The following DLG2 variants were observed in gnomAD, a reference collection of about 807,000 sequenced individuals.
The protein encoded by DLG2 is discs large MAGUK scaffold protein 2.
DLG2 carries 45 observed loss-of-function variants against 132.5 expected under a neutral mutation model. The ratio of observed to expected loss-of-function variants is 0.34; its 90% CI spans 0.27 to 0.44. The LOEUF is 0.44. Among genes scored for constraint, DLG2 ranks in the 20% least tolerant of loss-of-function variants. The probability of loss-of-function intolerance (pLI) is 1.00; values close to 1 mark genes in which losing one functional copy is unlikely to be tolerated. For synonymous variants in DLG2, 424 were observed against 419.6 expected (o/e 1.01, Z -0.13); for missense variants, 1,045 against 1,196.9 (o/e 0.87, Z 1.87).
chr11:85,116,171 A>C (rs1460413409), intron 5 of DLG2, among the ~76,000 whole-genome samples: 4 of 152,044 alleles, frequency 2.6e-5, no homozygotes, highest in African/African-American at 9.7e-5. Flanking sequence ...ATGGACTGTG[A>C]GTTGTAAAGT....
intron 3 of DLG2, among the ~76,000 whole-genome samples, chr11:85,317,941 T>G (rs2080804599): frequency 6.6e-6 from 1 of 151,872 alleles, no homozygotes. Context: ...ATATTTCATG[T>G]AAGTGTGCAC....
chr11:85,399,775 T>A (rs2087848939), intron 3 of DLG2, among the ~76,000 whole-genome samples: 1 of 152,104 alleles, frequency 6.6e-6, no homozygotes, highest in Non-Finnish European at 1.5e-5. Flanking sequence ...TATACAAAAA[T>A]TAATTCAAGA....
chr11:85,124,091 G>C (rs1308565864), intron 5 of DLG2, among the ~76,000 whole-genome samples: 1 of 152,130 alleles, frequency 6.6e-6, no homozygotes, highest in Non-Finnish European at 1.5e-5. Context: ...AAGAGGAGAG[G>C]GAACAGAAAC....
intron 6 of DLG2, among the ~76,000 whole-genome samples, chr11:84,975,787 T>C (rs1487734426): frequency 1.3e-5 from 2 of 152,182 alleles, no homozygotes; most frequent in Non-Finnish European, 2.9e-5. Context: ...TCAAACTGTC[T>C]TCCTCTCCTG....
intron 4 of DLG2, among the ~76,000 whole-genome samples, chr11:85,245,253 A>C (rs1208118934): frequency 6.6e-6 from 1 of 151,916 alleles, no homozygotes; most frequent in African/African-American, 2.4e-5. Context: ...TGTATATCTA[A>C]TAGGAATTTC....
intron 6 of DLG2, among the ~76,000 whole-genome samples, chr11:84,814,697 A>G (rs1019893813): frequency 1.3e-5 from 2 of 151,478 alleles, no homozygotes; most frequent in Non-Finnish European, 2.9e-5. Context: ...TCCCCACTTC[A>G]CCCCCACCTC....
intron 6 of DLG2, among the ~76,000 whole-genome samples, chr11:84,741,769 T>G (rs1026066917): frequency 6.6e-5 from 10 of 152,038 alleles, no homozygotes; most frequent in Admixed American, 2.6e-4. Context: ...TAAGGAAACA[T>G]GGTATCTCTA....
intron 15 of DLG2, among the ~76,000 whole-genome samples, chr11:83,907,433 T>C (rs2075220448): frequency 6.6e-6 from 1 of 152,172 alleles, no homozygotes; most frequent in Non-Finnish European, 1.5e-5. Context: ...TGGTTCACAC[T>C]GAGTAAATTA....
At chr11:84,012,793 C>A (rs1446331535) in intron 11 of DLG2, among the ~76,000 whole-genome samples, 8 of 152,062 alleles carry the variant, frequency 5.3e-5, no homozygotes, top group Admixed American at 1.3e-4. Flanking sequence ...GTCAAAGAAT[C>A]TTATAATTGG....
intron 7 of DLG2, among the ~76,000 whole-genome samples, chr11:84,404,811 A>C (rs1056092421): frequency 2.6e-5 from 4 of 152,228 alleles, no homozygotes; most frequent in African/African-American, 9.6e-5. Flanking sequence ...GTAAAATGCA[A>C]GGTAATAGTC....
intron 18 of DLG2, among the ~76,000 whole-genome samples, chr11:83,741,839 T>C (rs572626219): frequency 2.0e-5 from 3 of 151,780 alleles, no homozygotes; most frequent in Admixed American, 6.6e-5. Context: ...AAACCCTGTC[T>C]CTACTAAAAA....
intron 18 of DLG2, among the ~76,000 whole-genome samples, chr11:83,739,540 A>T (rs898548789): frequency 6.6e-6 from 1 of 152,182 alleles, no homozygotes; most frequent in Non-Finnish European, 1.5e-5. Flanking sequence ...GAGAGATTTG[A>T]TCAGGCAATT....
At chr11:83,812,306 T>C (rs997438462) in intron 17 of DLG2, among the ~76,000 whole-genome samples, 2 of 152,104 alleles carry the variant, frequency 1.3e-5, no homozygotes, top group African/African-American at 2.4e-5. Flanking sequence ...TTATAGATGG[T>C]TTGTGGTTGT....
chr11:84,950,651 T>C (rs998843801), intron 6 of DLG2, among the ~76,000 whole-genome samples: 29 of 152,264 alleles, frequency 1.9e-4, no homozygotes, highest in African/African-American at 6.5e-4. Context: ...CCTTCTTGTG[T>C]GGAGTCAGTT....
intron 6 of DLG2, among the ~76,000 whole-genome samples, chr11:84,573,903 C>G (rs565981141): frequency 1.3e-5 from 2 of 152,314 alleles, no homozygotes; most frequent in South Asian, 2.1e-4. Context: ...CTGAGAAGAA[C>G]TATGAAGACT....
intron 3 of DLG2, among the ~76,000 whole-genome samples, chr11:85,334,362 T>C (rs950939073): frequency 6.6e-6 from 1 of 152,154 alleles, no homozygotes; most frequent in Non-Finnish European, 1.5e-5. Context: ...ATCAATCTTA[T>C]GTATTCTTTT....
At chr11:84,445,862 G>C (rs1257267638) in intron 7 of DLG2, among the ~76,000 whole-genome samples, 1 of 144,280 alleles carries the variant, frequency 6.9e-6, no homozygotes, top group Admixed American at 7.2e-5. Context: ...CTTGCAGTGA[G>C]CCGAGATGGT....
intron 3 of DLG2, among the ~76,000 whole-genome samples, chr11:85,444,598 T>C (rs1220966742): frequency 6.6e-6 from 1 of 152,226 alleles, no homozygotes; most frequent in East Asian, 1.9e-4. Context: ...TGGATAAATC[T>C]TCTCCACAAG....
At chr11:85,230,177 A>C (rs999351389) in intron 4 of DLG2, among the ~76,000 whole-genome samples, 2 of 152,042 alleles carry the variant, frequency 1.3e-5, no homozygotes, top group African/African-American at 2.4e-5. Flanking sequence ...AACAATGGCT[A>C]TCTCTCAGGG....
Sources: allele counts gnomAD v4.1 joint callset (sites outside exome capture counted in the v4.1 genomes callset), GRCh38; gene constraint gnomAD v4.1.1; transcripts MANE v1.5; gene names NCBI Gene and HGNC (gene_info 2026-07-23, HGNC 2026-07-21).